Variants in CMBL observed in about 807,000 individuals in gnomAD.
CMBL encodes the protein carboxymethylenebutenolidase homolog.
Under a neutral mutation model 28.7 loss-of-function variants are expected in CMBL, and 17 were observed. The ratio of observed to expected loss-of-function variants is 0.59; its 90% CI spans 0.41 to 0.89. The LOEUF (loss-of-function observed/expected upper bound fraction) is 0.89. CMBL is among the 40% of genes least tolerant of loss of function. CMBL has a pLI of 0.00. For missense variants in CMBL, 310 were observed against 298.5 expected (o/e 1.04, Z -0.28); for synonymous variants, 106 against 101.6 (o/e 1.04, Z -0.26).
intron 1 of CMBL, among the ~76,000 whole-genome samples, chr5:10,303,370 C>T (rs1213948633): frequency 1.3e-5 from 2 of 152,200 alleles, no homozygotes; most frequent in Non-Finnish European, 2.9e-5. Context: ...ACATTTGGCT[C>T]AGAATAAACC....
At chr5:10,288,657 A>G (rs1212698031) in intron 2 of CMBL, 128 bp from the exon 3 acceptor site, 20 of 713,798 alleles carry the variant, frequency 2.8e-5, no homozygotes, top group Non-Finnish European at 4.8e-5. Flanking sequence ...AGTGGGTGTG[A>G]AGGCCAATTT....
chr5:10,298,112 T>G (rs1579476816), intron 1 of CMBL, among the ~76,000 whole-genome samples: 2 of 125,268 alleles, frequency 1.6e-5, no homozygotes, highest in East Asian at 2.6e-4. Flanking sequence ...TCTGTAGTCA[T>G]GAGAGGGGGC....
intron 1 of CMBL, 137 bp from the exon 2 acceptor site, chr5:10,290,918 G>C: frequency 1.5e-6 from 1 of 653,616 alleles, no homozygotes; most frequent in Non-Finnish European, 2.6e-6. Context: ...GAAACCAATG[G>C]TAACTTCTGG....
At chr5:10,282,328 A>G in intron 4 of CMBL, 40 bp from the exon 5 acceptor site, 1 of 1,162,044 alleles carries the variant, frequency 8.6e-7, no homozygotes, top group Non-Finnish European at 1.3e-6. Flanking sequence ...TGATCCCCAC[A>G]CTCATGCCAC....
At position 10,278,234 on chromosome 5, in the gene CMBL, T is replaced by C. The variant is rs1746428793; in HGVS notation, c.*2219A>G. Among the ~76,000 whole-genome samples the C allele has an allele frequency of 6.6e-6, 1 of 152,232 alleles. No individual in the cohort carries two copies. The highest frequency in any genetic ancestry group is 1.5e-5 in the Non-Finnish European group (1 of 68,048). On this transcript the variant is annotated 3_prime_UTR_variant, in exon 6 of 6. Coordinates refer to ENST00000296658, the MANE Select transcript of CMBL (RefSeq NM_138809.4). ...GCATCTATTTGAATGTAAGTTGGAC[T>C]TTCTCATACTAGAAGCAGGGATTAG...
intron 5 of CMBL, among the ~76,000 whole-genome samples, chr5:10,280,908 G>T (rs980509969): frequency 1.8e-4 from 28 of 152,292 alleles, no homozygotes; most frequent in African/African-American, 6.7e-4. Flanking sequence ...GGAGAAGCCG[G>T]GATGACAGGC....
At chr5:10,302,110 A>G (rs1746911591) in intron 1 of CMBL, among the ~76,000 whole-genome samples, 2 of 152,208 alleles carry the variant, frequency 1.3e-5, no homozygotes, top group South Asian at 4.1e-4. Flanking sequence ...GCCTTGTGCC[A>G]GGGGCCAAGT....
intron 2 of CMBL, among the ~76,000 whole-genome samples, 168 bp from the exon 3 acceptor site, chr5:10,288,697 G>A (rs765639052): frequency 2.0e-5 from 3 of 152,228 alleles, no homozygotes; most frequent in African/African-American, 4.8e-5. Flanking sequence ...ACCTGGCACC[G>A]GGCCAAGCCC....
intron 1 of CMBL, among the ~76,000 whole-genome samples, chr5:10,292,826 CAA>C (rs34798121): frequency 4.7e-5 from 5 of 107,256 alleles, no homozygotes; most frequent in East Asian, 4.1e-4. Context: ...CTCTGTCTCA[CAA>C]AAAAAAAAAA....
At chr5:10,283,630 T>G (rs1035470325) in intron 4 of CMBL, among the ~76,000 whole-genome samples, 5 of 152,216 alleles carry the variant, frequency 3.3e-5, no homozygotes, top group African/African-American at 9.6e-5. Flanking sequence ...AATACAAAAT[T>G]AGCTGGGTGT....
In CMBL at chr5:10,288,422, C is replaced by A. The variant is rs1365668948; in HGVS notation, c.323G>T (p.Arg108Ile). The A allele has an allele frequency of 6.2e-7, 1 of 1,611,782 alleles. No homozygotes were observed. The highest frequency in any genetic ancestry group is 1.3e-5 in the African/African-American group (1 of 75,002). ...ATGGCCACGTCTGCGGATAACTCAC[C>A]TATCGATCTTCTGGGCATTTCTTGT... ...LKTRNAQKID[R>I]EISAILKYLK... The change falls in exon 3 of 6, where the codon AGA becomes ATA. Residue 108 changes from arginine to isoleucine, a missense_variant and splice_region_variant. Transcript: ENST00000296658.
intron 3 of CMBL, among the ~76,000 whole-genome samples, chr5:10,287,579 C>T (rs537344480): frequency 1.2e-3 from 179 of 152,264 alleles, no homozygotes; most frequent in African/African-American, 4.2e-3. Context: ...TCTCTATTTT[C>T]ATAGATGGTG....
At chr5:10,292,826 C>CA (rs34798121) in intron 1 of CMBL, among the ~76,000 whole-genome samples, 26,957 of 107,138 alleles carry the variant, frequency 0.25, 4,417 homozygotes, top group African/African-American at 0.51. Flanking sequence ...CTCTGTCTCA[C>CA]AAAAAAAAAA....
intron 3 of CMBL, 57 bp from the exon 4 acceptor site, chr5:10,286,553 G>A (rs1746607982): frequency 2.6e-6 from 4 of 1,533,622 alleles, no homozygotes; most frequent in Admixed American, 1.8e-5. Flanking sequence ...ACCCCTCAAA[G>A]AGCTGTGCTG....
At chr5:10,300,571 A>G (rs970634052) in intron 1 of CMBL, among the ~76,000 whole-genome samples, 8 of 152,138 alleles carry the variant, frequency 5.3e-5, no homozygotes, top group African/African-American at 1.4e-4. Context: ...AGGTCGAGGC[A>G]TGGTCATAGC....
chr5:10,306,769 C>A lies in CMBL; in HGVS notation c.-20+856G>T, dbSNP rs186749722. On this transcript the variant is annotated intron_variant, in intron 1 of 5. Coordinates refer to ENST00000296658, the MANE Select transcript of CMBL (RefSeq NM_138809.4). The stretch of plus-strand genomic sequence containing the variant: ...CTTGTATTTTCCAAGTGTCTATGGT[C>A]GAGATAGCATGAATTAGGAAGCTAC... 4.3e-4 allele frequency among the ~76,000 whole-genome samples: 65 copies of A among 152,200 alleles called. No homozygotes were observed. In the East Asian group the frequency reaches 0.012, roughly 29 times the overall value.
chr5:10,306,520 G>C (rs1747004173), intron 1 of CMBL, among the ~76,000 whole-genome samples: 1 of 152,172 alleles, frequency 6.6e-6, no homozygotes, highest in African/African-American at 2.4e-5. Flanking sequence ...AAACCACGTG[G>C]AAGTGCATCC....
Position 10,282,193 on chromosome 5 carries a change from T to G in CMBL, c.558+4A>C, listed in dbSNP as rs1396263559. 31 of 1,594,890 alleles carry G rather than the reference T, an allele frequency of 1.9e-5. No individual in the cohort carries two copies. The highest frequency in any genetic ancestry group is 2.5e-5 in the Non-Finnish European group (29 of 1,162,742). The stretch of plus-strand genomic sequence containing the variant: ...AAATACGAAGAGAAAAGATGCCAAC[T>G]TACGTCCTTGAGTGGAATCACAACA... On this transcript the variant is annotated splice_donor_region_variant and intron_variant, in intron 5 of 5. Transcript: ENST00000296658.
At chr5:10,291,323 C>T (rs1016238927) in intron 1 of CMBL, among the ~76,000 whole-genome samples, 10 of 152,106 alleles carry the variant, frequency 6.6e-5, no homozygotes, top group African/African-American at 2.2e-4. Flanking sequence ...CAGGTGTGTG[C>T]GAAGAAACCC....
Sources: gnomAD v4.1 joint callset for allele counts (sites outside exome capture counted in the v4.1 genomes callset) on GRCh38, gnomAD v4.1.1 for gene constraint, MANE v1.5 for transcripts, NCBI Gene and HGNC (gene_info 2026-07-23, HGNC 2026-07-21) for gene names.